Variants in UNC5D observed in about 807,000 individuals in gnomAD.
UNC5D encodes the protein unc-5 netrin receptor D.
UNC5D carries 39 observed loss-of-function variants against 105.4 expected under a neutral mutation model. The ratio of observed to expected loss-of-function variants is 0.37; its 90% CI spans 0.29 to 0.48. The LOEUF is 0.48. Ranked by LOEUF, UNC5D falls within the 20% of genes least tolerant of loss-of-function variation. UNC5D has a pLI of 0.98. For synonymous variants in UNC5D, 452 were observed against 450.4 expected (o/e 1.00, Z -0.04); for missense variants, 991 against 1,202.4 (o/e 0.82, Z 2.60).
intron 1 of UNC5D, among the ~76,000 whole-genome samples, chr8:35,512,163 T>G (rs1334425623): frequency 6.6e-6 from 1 of 152,026 alleles, no homozygotes; most frequent in Non-Finnish European, 1.5e-5. Flanking sequence ...TAAAACACAT[T>G]AAAAGTATAA....
rs1746798072 is a variant in UNC5D at position 35,763,716 on chromosome 8, G to A, written c.2314-3186G>A. Among the ~76,000 whole-genome samples the A allele has an allele frequency of 1.3e-5, 2 of 152,164 alleles. 1 individual carries two copies. The highest frequency in any genetic ancestry group is 4.1e-4 in the South Asian group (2 of 4,824). ...GGTTACTTTCATTGAAGTGCATAGTGCAAAGCAACCCTACAAAAATTCACT... is the reference window on the plus strand; with the variant it reads ...GGTTACTTTCATTGAAGTGCATAGTACAAAGCAACCCTACAAAAATTCACT... On this transcript the variant is annotated intron_variant, in intron 14 of 16. Transcript: ENST00000404895.
At chr8:35,470,270 C>G (rs937135175) in intron 1 of UNC5D, among the ~76,000 whole-genome samples, 8 of 151,998 alleles carry the variant, frequency 5.3e-5, no homozygotes, top group Non-Finnish European at 1.0e-4. Flanking sequence ...AGAAAGACTC[C>G]TCTTTTAAAT....
At chr8:35,462,320 C>T (rs949476664) in intron 1 of UNC5D, among the ~76,000 whole-genome samples, 7 of 151,932 alleles carry the variant, frequency 4.6e-5, no homozygotes, top group Non-Finnish European at 7.4e-5. Context: ...CTAAAATTGT[C>T]TAACAAATAG....
chr8:35,495,991 A>T (rs1811563440), intron 1 of UNC5D, among the ~76,000 whole-genome samples: 1 of 152,192 alleles, frequency 6.6e-6, no homozygotes, highest in Admixed American at 6.5e-5. Context: ...AGGGGAAGAT[A>T]TTAATCCACC....
chr8:35,445,779 T>C (rs1807743315), intron 1 of UNC5D, among the ~76,000 whole-genome samples: 3 of 152,092 alleles, frequency 2.0e-5, no homozygotes, highest in Non-Finnish European at 4.4e-5. Context: ...TCATTCATGT[T>C]TGAGAAATGC....
At chr8:35,427,864 C>G (rs557131709) in intron 1 of UNC5D, among the ~76,000 whole-genome samples, 1 of 152,206 alleles carries the variant, frequency 6.6e-6, no homozygotes, top group South Asian at 2.1e-4. Context: ...TATTTCTTTC[C>G]TGCTGATAAA....
intron 1 of UNC5D, among the ~76,000 whole-genome samples, chr8:35,383,713 A>G (rs1440646238): frequency 1.3e-5 from 2 of 152,186 alleles, no homozygotes; most frequent in African/African-American, 2.4e-5. Flanking sequence ...CCAGTGTATG[A>G]CCTTGTTTTA....
chr8:35,649,104 T>A, intron 4 of UNC5D, among the ~76,000 whole-genome samples: 1 of 152,202 alleles, frequency 6.6e-6, no homozygotes, highest in East Asian at 1.9e-4. Flanking sequence ...AGATTCCTGT[T>A]ACATTTCCAT....
intron 11 of UNC5D, among the ~76,000 whole-genome samples, chr8:35,733,996 T>TTC (rs1554597801): frequency 6.6e-6 from 1 of 151,894 alleles, no homozygotes; most frequent in African/African-American, 2.4e-5. Flanking sequence ...TTTTTTTTTT[T>TTC]CCTCCTTTAA....
intron 4 of UNC5D, among the ~76,000 whole-genome samples, chr8:35,608,691 TTGTC>T (rs946836192): frequency 1.1e-4 from 17 of 152,360 alleles, no homozygotes; most frequent in African/African-American, 3.8e-4. Flanking sequence ...GTATTTGTCT[TTGTC>T]TGAGTCATTC....
chr8:35,693,640 G>A (rs1021170110), intron 7 of UNC5D, among the ~76,000 whole-genome samples: 2 of 152,068 alleles, frequency 1.3e-5, no homozygotes, highest in Non-Finnish European at 2.9e-5. Flanking sequence ...GGTAAGAATT[G>A]CTTTCTCAGC....
intron 8 of UNC5D, among the ~76,000 whole-genome samples, chr8:35,718,347 G>A (rs1487231424): frequency 6.6e-6 from 1 of 152,210 alleles, no homozygotes; most frequent in Admixed American, 6.5e-5. Flanking sequence ...AAATCACTTT[G>A]AGCAAACAAA....
At chr8:35,700,041 C>G (rs1827080243) in intron 7 of UNC5D, among the ~76,000 whole-genome samples, 1 of 152,204 alleles carries the variant, frequency 6.6e-6, no homozygotes, top group South Asian at 2.1e-4. Context: ...CATTGTCTCC[C>G]TGACATATTC....
At chr8:35,298,397 A>G (rs368384344) in intron 1 of UNC5D, among the ~76,000 whole-genome samples, 35 of 152,130 alleles carry the variant, frequency 2.3e-4, no homozygotes, top group African/African-American at 7.7e-4. Context: ...GAGAAGGTCC[A>G]TTTTTCTTGG....
chr8:35,236,281 T>A (rs1430871385), intron 1 of UNC5D, among the ~76,000 whole-genome samples: 3 of 152,142 alleles, frequency 2.0e-5, no homozygotes, highest in Admixed American at 2.0e-4. Context: ...GTCGGAGAGT[T>A]CCTGGGGAGA....
chr8:35,559,377 A>G (rs1816793708), intron 2 of UNC5D, among the ~76,000 whole-genome samples: 1 of 152,178 alleles, frequency 6.6e-6, no homozygotes, highest in Non-Finnish European at 1.5e-5. Flanking sequence ...CAAGCATCCT[A>G]CTACAGAGAA....
intron 16 of UNC5D, among the ~76,000 whole-genome samples, chr8:35,784,097 G>T (rs1563760913): frequency 6.6e-6 from 1 of 152,080 alleles, no homozygotes; most frequent in Non-Finnish European, 1.5e-5. Flanking sequence ...TTCTGCCCTG[G>T]CTTCTACATA....
chr8:35,695,127 G>A (rs548321180), intron 7 of UNC5D, among the ~76,000 whole-genome samples: 33 of 152,202 alleles, frequency 2.2e-4, no homozygotes, highest in Admixed American at 1.0e-3. Context: ...AATACTGTCC[G>A]CTGTCAAAAA....
intron 15 of UNC5D, among the ~76,000 whole-genome samples, chr8:35,767,912 G>A (rs1801843873): frequency 6.6e-6 from 1 of 152,030 alleles, no homozygotes; most frequent in Non-Finnish European, 1.5e-5. Context: ...GATTAGAAGA[G>A]GGATTGTGAT....
Sources: gnomAD v4.1 joint callset for allele counts (sites outside exome capture counted in the v4.1 genomes callset) on GRCh38, gnomAD v4.1.1 for gene constraint, MANE v1.5 for transcripts, NCBI Gene and HGNC (gene_info 2026-07-23, HGNC 2026-07-21) for gene names.